The following CEP104 variants were observed in gnomAD, a reference collection of about 807,000 sequenced individuals.
The protein encoded by CEP104 is centrosomal protein 104.
Under a neutral mutation model 113.3 loss-of-function variants are expected in CEP104, and 84 were observed. The observed-to-expected ratio is 0.74, with a 90% CI of 0.62 to 0.89. The LOEUF (loss-of-function observed/expected upper bound fraction) is 0.89, where lower values mean the gene tolerates loss of function less well. CEP104 is among the 40% of genes least tolerant of loss of function. The pLI is 0.00. For synonymous variants in CEP104, 378 were observed against 421.7 expected (o/e 0.90, Z 1.27); for missense variants, 1,053 against 1,156.6 (o/e 0.91, Z 1.30).
At chr1:3,830,244 T>A (rs1490629071) in intron 13 of CEP104, among the ~76,000 whole-genome samples, 2 of 151,990 alleles carry the variant, frequency 1.3e-5, no homozygotes, top group Non-Finnish European at 2.9e-5. Context: ...TGCAATTTCA[T>A]CCCTGCTGTG....
At chr1:3,826,306 C>A in intron 17 of CEP104, 64 bp downstream of exon 17, 2 of 1,441,126 alleles carry the variant, frequency 1.4e-6, no homozygotes, top group Non-Finnish European at 2.0e-6. Context: ...ATTCCCTTTC[C>A]AGGGTTTCTG....
Position 3,845,002 on chromosome 1 carries a change from T to C in CEP104, c.490-19A>G, listed in dbSNP as rs1336976963. The C allele has an allele frequency of 6.3e-7, 1 of 1,597,986 alleles. No individual in the cohort carries two copies. The highest frequency in any genetic ancestry group is 8.6e-7 in the Non-Finnish European group (1 of 1,165,170). On this transcript the variant is annotated intron_variant, in intron 5 of 21. Coordinates refer to ENST00000378230, the MANE Select transcript of CEP104 (RefSeq NM_014704.4). ...GAGAGGCCTTTGGGGGCAAAACATC[T>C]GCTTAGTGTCTCAGAGAGAAAGAGG...
intron 12 of CEP104, among the ~76,000 whole-genome samples, chr1:3,832,289 T>TGTAACCAGGAGTGTATTGTAGGTC (rs1557672311): frequency 8.7e-6 from 1 of 114,926 alleles, no homozygotes. Context: ...AGGAGTGTAT[T>TGTAACCAGGAGTGTATTGTAGGTC]GTAACCAGGA....
chr1:3,818,826 C>A (rs1274943875), intron 20 of CEP104, among the ~76,000 whole-genome samples: 1 of 152,206 alleles, frequency 6.6e-6, no homozygotes, highest in Non-Finnish European at 1.5e-5. Context: ...TTTTACAAAA[C>A]CCAAACTCTG....
Position 3,816,543 on chromosome 1 carries a change from C to T in CEP104, c.2572-173G>A, listed in dbSNP as rs1643884197. The T allele has an allele frequency of 1.0e-5, 6 of 586,822 alleles. 1 individual carries two copies. The highest frequency in any genetic ancestry group is 1.0e-4 in the South Asian group (5 of 49,462). 36.4% of individuals were successfully genotyped at this position (586,822 alleles called of 1,614,324 possible). On this transcript the variant is annotated intron_variant, in intron 20 of 21. Transcript: ENST00000378230. ...CCTCCCTTCGGATATGTTATGATAG[C>T]CTCTGCAGTCTGTGCAGGGTACAAC... is the stretch of plus-strand genomic sequence containing the variant.
At chr1:3,842,093 T>A (rs571132129) in intron 6 of CEP104, among the ~76,000 whole-genome samples, 72 of 97,496 alleles carry the variant, frequency 7.4e-4, no homozygotes, top group African/African-American at 2.2e-3. Flanking sequence ...TATTTTTTTA[T>A]TTTTATTTTT....
At chr1:3,855,455 C>T (rs1344849953) in intron 1 of CEP104, among the ~76,000 whole-genome samples, 1 of 151,944 alleles carries the variant, frequency 6.6e-6, no homozygotes, top group Non-Finnish European at 1.5e-5. Flanking sequence ...AGGCGTGAGC[C>T]GCCGAGCCTG....
intron 4 of CEP104, 33 bp from the exon 5 acceptor site, chr1:3,845,384 TA>T: frequency 6.9e-7 from 1 of 1,446,582 alleles, no homozygotes; most frequent in Non-Finnish European, 9.6e-7. Flanking sequence ...GAATTAAATA[TA>T]CAATGTTTGA....
Position 3,833,935 on chromosome 1 carries a change from G to T in CEP104, c.1586C>A (p.Thr529Asn). 1 of 1,614,128 alleles carries T rather than the reference G, an allele frequency of 6.2e-7. No individual in the cohort carries two copies. Reference protein sequence around the residue: ...KLETAHCVERTIPVLLTRTGD... With the variant: ...KLETAHCVERNIPVLLTRTGD... ...AGTTCTGGTGAGCAAAACGGGAATGGTCCTCTCCACACAGTGAGCTGTTTC... is the reference window on the plus strand; with the variant it reads ...AGTTCTGGTGAGCAAAACGGGAATGTTCCTCTCCACACAGTGAGCTGTTTC... Residue 529 changes from threonine to asparagine, a missense_variant, in exon 12 of 22, where the codon ACC (threonine) becomes AAC (asparagine). Physicochemically the swap from Thr to Asn is moderately conservative, Grantham distance 65. Transcript: ENST00000378230.
rs1644381094 is a variant in CEP104 at position 3,839,774 on chromosome 1, T to C, written c.569A>G (p.Lys190Arg). The C allele has an allele frequency of 3.7e-6, 6 of 1,607,978 alleles. No individual in the cohort carries two copies. The highest frequency in any genetic ancestry group is 5.1e-6 in the Non-Finnish European group (6 of 1,178,190). Residue 190 changes from lysine (K) to arginine (R), a missense_variant and splice_region_variant, in exon 7 of 22, where the codon AAA (lysine) becomes AGA (arginine). By Grantham distance (26) the Lys-to-Arg change is conservative (BLOSUM62 2). Transcript: ENST00000378230. ...ATCTAGCGGAGAGATATAGTCAGAT[T>C]TCCTAAAGGGAAGAAATGCATATTT... Reference protein sequence around the residue: ...DPALEGTYARKSDYISPLDDL... With the variant: ...DPALEGTYARRSDYISPLDDL...
chr1:3,841,825 A>C (rs1288545173), intron 6 of CEP104, among the ~76,000 whole-genome samples: 1 of 152,218 alleles, frequency 6.6e-6, no homozygotes, highest in Admixed American at 6.5e-5. Context: ...TAACAGAAAG[A>C]AGCTTTATTG....
At chr1:3,854,983 C>T (rs7552678) in intron 1 of CEP104, among the ~76,000 whole-genome samples, 81,034 of 150,148 alleles carry the variant, frequency 0.54, 24,353 homozygotes, top group Non-Finnish European at 0.68. Context: ...GTGATTCTCC[C>T]GCCTCAGCCT....
rs12144567 is a variant in CEP104, at chr1:3,829,950, C to A, written c.1884G>T (p.Thr628=). ...LEHRVYEVRE[T]AVRIILDMYR... ...ACATGTCCAAAATAATTCGAACCGC[C>A]GTCTCGCGGACCTCATACACTCTAT... Residue 628 remains threonine (T), a synonymous_variant, in exon 14 of 22, where the codon ACG becomes ACT. Transcript: ENST00000378230. 10,175 of 1,614,140 alleles carry A rather than the reference C, an allele frequency of 6.3e-3. 47 individuals are homozygous for A. Among genetic ancestry groups the A allele is most frequent in the Non-Finnish European group, 7.7e-3 (9,117 of 1,180,018 alleles).
intron 2 of CEP104, among the ~76,000 whole-genome samples, chr1:3,850,941 A>G (rs1428255988): frequency 6.6e-6 from 1 of 152,236 alleles, no homozygotes; most frequent in Non-Finnish European, 1.5e-5. Context: ...ATAACACGGA[A>G]CATGTGCTGT....
intron 1 of CEP104, among the ~76,000 whole-genome samples, chr1:3,853,007 A>AGCCG (rs1203905302): frequency 6.6e-6 from 1 of 152,254 alleles, no homozygotes; most frequent in Non-Finnish European, 1.5e-5. Flanking sequence ...CTGTCCATGC[A>AGCCG]GCCATCTGAC....
intron 1 of CEP104, among the ~76,000 whole-genome samples, chr1:3,855,385 G>A (rs1432090993): frequency 1.4e-5 from 2 of 143,586 alleles, no homozygotes; most frequent in African/African-American, 2.6e-5. Flanking sequence ...GGGTTTCACT[G>A]TGTTGTCTAG....
chr1:3,816,655 G>C (rs1233477309), intron 20 of CEP104, among the ~76,000 whole-genome samples: 1 of 152,246 alleles, frequency 6.6e-6, no homozygotes. Context: ...CAGTGACTCT[G>C]AGCACAGCAG....
At chr1:3,838,872 C>G in intron 8 of CEP104, 92 bp downstream of exon 8, 1 of 1,406,722 alleles carries the variant, frequency 7.1e-7, no homozygotes, top group Non-Finnish European at 9.9e-7. Flanking sequence ...TTACACTACA[C>G]TTCAAAGACA....
chr1:3,826,349 G>A (rs1215580673), intron 17 of CEP104, 21 bp downstream of exon 17: 1 of 1,610,478 alleles, frequency 6.2e-7, no homozygotes, highest in Non-Finnish European at 8.5e-7. Flanking sequence ...CGTACAATGG[G>A]TGGAAGACAG....
Sources: gnomAD v4.1 joint callset for allele counts (sites outside exome capture counted in the v4.1 genomes callset) on GRCh38, gnomAD v4.1.1 for gene constraint, MANE v1.5 for transcripts, NCBI Gene and HGNC (gene_info 2026-07-23, HGNC 2026-07-21) for gene names.